ADCY10: variants seen among roughly 807,000 people sequenced by gnomAD.
ADCY10 encodes adenylate cyclase 10.
In ADCY10, 156 loss-of-function variants were observed where a neutral mutation model predicts 183.3. The observed-to-expected ratio is 0.85, with a 90% CI of 0.75 to 0.97. The LOEUF (loss-of-function observed/expected upper bound fraction) is 0.97. Ranked by LOEUF, ADCY10 falls within the 50% of genes least tolerant of loss-of-function variation. The pLI is 0.00. For synonymous variants in ADCY10, 645 were observed against 670.0 expected (o/e 0.96, Z 0.58); for missense variants, 1,745 against 1,934.3 (o/e 0.90, Z 1.84).
intron 23 of ADCY10, chr1:167,834,843 T>G (rs10918779): frequency 0.029 from 4,367 of 152,976 alleles, 194 homozygotes; most frequent in African/African-American, 0.093. Context: ...CATTGTCTTC[T>G]TGTCAAGTGA....
chr1:167,910,417 T>G (rs11578481), intron 1 of ADCY10, among the ~76,000 whole-genome samples: 20,467 of 152,124 alleles, frequency 0.13, 1,806 homozygotes, highest in African/African-American at 0.25. Flanking sequence ...TGGTTAAAAT[T>G]GTAGTTGTCT....
Position 167,822,818 on chromosome 1 carries a change from G to A in ADCY10, c.4168+190C>T, listed in dbSNP as rs578054400. Among the ~76,000 whole-genome samples the A allele has an allele frequency of 3.9e-5, 6 of 152,108 alleles. No individual in the cohort carries two copies. The East Asian group carries it at 5.8e-4, about 15-fold the overall frequency. ...TTCAGACTTAATTCTCCTTCTTGCC[G>A]TGCCTTTACAATCTCGGCACCTGCT... On this transcript the variant is annotated intron_variant, in intron 29 of 32. Coordinates refer to ENST00000367851, the MANE Select transcript of ADCY10 (RefSeq NM_018417.6).
chr1:167,870,214 G>T (rs765445608), intron 14 of ADCY10, 43 bp downstream of exon 14: 17 of 1,610,158 alleles, frequency 1.1e-5, no homozygotes, highest in Non-Finnish European at 1.3e-5. Flanking sequence ...AATAAATCAG[G>T]ATTCTATGGG....
rs57450280 is a variant in ADCY10 at position 167,866,530 on chromosome 1, C to CAAA, written c.1616+3724_1616+3726dup. On this transcript the variant is annotated intron_variant, in intron 14 of 32. Coordinates refer to ENST00000367851, the MANE Select transcript of ADCY10 (RefSeq NM_018417.6). ...TGACGAAAGTGCACACTCTATGTGCCAAAAAAAAAAAAAAAAAAAAAGGGC... is the reference window on the plus strand; with the variant it reads ...TGACGAAAGTGCACACTCTATGTGCCAAAAAAAAAAAAAAAAAAAAAAAAGGGC... Among the ~76,000 whole-genome samples, 336 of 110,634 alleles carry CAAA rather than the reference C, an allele frequency of 3.0e-3. 1 individual carries two copies. Among genetic ancestry groups the CAAA allele is most frequent in the Non-Finnish European group, 5.8e-3 (285 of 49,364 alleles). 72.6% of individuals were successfully genotyped at this position (110,634 alleles called of 152,430 possible). A position where few individuals can be genotyped will look rare whatever the true frequency, so the allele number is the denominator to read the frequency against.
At chr1:167,866,275 G>A (rs553789885) in intron 14 of ADCY10, among the ~76,000 whole-genome samples, 2 of 152,266 alleles carry the variant, frequency 1.3e-5, no homozygotes, top group Non-Finnish European at 2.9e-5. Context: ...CCCCCTTATA[G>A]GTCTTTCGAC....
rs907448954 is a variant in ADCY10, at chr1:167,816,174, G to A, written c.4482+1898C>T. Among the ~76,000 whole-genome samples, 8 of 152,162 alleles carry A rather than the reference G, an allele frequency of 5.3e-5. No homozygotes were observed. In the East Asian group the frequency reaches 9.6e-4, roughly 18 times the overall value. Reference sequence around the variant, plus strand: ...ACCAAACCACAGATCCAGGAAGCTCGCAGAACACCATGTAGGATATATGCC... The same window carrying A: ...ACCAAACCACAGATCCAGGAAGCTCACAGAACACCATGTAGGATATATGCC... On this transcript the variant is annotated intron_variant, in intron 31 of 32. Coordinates refer to ENST00000367851, the MANE Select transcript of ADCY10 (RefSeq NM_018417.6).
intron 14 of ADCY10, among the ~76,000 whole-genome samples, chr1:167,863,195 A>C (rs1016111720): frequency 1.3e-5 from 2 of 152,200 alleles, no homozygotes; most frequent in Admixed American, 6.5e-5. Flanking sequence ...ACCCGAAACC[A>C]GGCCTGGGCC....
chr1:167,820,076 TA>T (rs1199462028), intron 30 of ADCY10: 26 of 1,573,338 alleles, frequency 1.7e-5, no homozygotes, highest in Middle Eastern at 3.4e-4. Flanking sequence ...ATCCTTGAGA[TA>T]AAATTTGGCT....
At chr1:167,829,173 T>A in intron 26 of ADCY10, 94 bp downstream of exon 26, 1 of 1,441,348 alleles carries the variant, frequency 6.9e-7, no homozygotes, top group South Asian at 1.2e-5. Context: ...TATTATTATA[T>A]CCTCAGAATT....
intron 8 of ADCY10, among the ~76,000 whole-genome samples, chr1:167,889,594 G>T (rs1480666122): frequency 3.3e-5 from 5 of 152,128 alleles, no homozygotes; most frequent in Non-Finnish European, 5.9e-5. Flanking sequence ...CTTGTAGAAT[G>T]AGTTTGGAAG....
At chr1:167,835,734 C>T (rs565944351) in intron 23 of ADCY10, among the ~76,000 whole-genome samples, 3 of 152,018 alleles carry the variant, frequency 2.0e-5, no homozygotes, top group African/African-American at 7.2e-5. Context: ...ACCAAGAACA[C>T]AAAAAATTAG....
At chr1:167,869,788 ACCT>A (rs1558211732) in intron 14 of ADCY10, among the ~76,000 whole-genome samples, 5 of 151,520 alleles carry the variant, frequency 3.3e-5, no homozygotes, top group Non-Finnish European at 5.9e-5. Flanking sequence ...GAAGTTGAGC[ACCT>A]TGACGAGCTC....
At chr1:167,891,800 G>A (rs1292878832) in intron 8 of ADCY10, among the ~76,000 whole-genome samples, 3 of 152,112 alleles carry the variant, frequency 2.0e-5, no homozygotes, top group Non-Finnish European at 4.4e-5. Flanking sequence ...AGAAGTGTCA[G>A]ATTCTTCAAC....
intron 24 of ADCY10, among the ~76,000 whole-genome samples, chr1:167,833,519 G>A (rs1284596921): frequency 6.6e-6 from 1 of 152,176 alleles, no homozygotes; most frequent in Non-Finnish European, 1.5e-5. Flanking sequence ...GTCAGGGCGG[G>A]CGGATCACTT....
chr1:167,843,044 A>G (rs892459050), intron 21 of ADCY10, among the ~76,000 whole-genome samples: 31 of 152,344 alleles, frequency 2.0e-4, no homozygotes, highest in Non-Finnish European at 3.5e-4. Flanking sequence ...TGAACAGGTG[A>G]AAAATTCTGA....
At chr1:167,836,241 C>T (rs1339624700) in intron 23 of ADCY10, 68 bp downstream of exon 23, 1 of 1,056,346 alleles carries the variant, frequency 9.5e-7, no homozygotes, top group Non-Finnish European at 1.5e-6. Context: ...CATGCTGGAG[C>T]TTCCTTCTGG....
chr1:167,884,599 T>C (rs1373659777), intron 8 of ADCY10, among the ~76,000 whole-genome samples: 2 of 152,134 alleles, frequency 1.3e-5, no homozygotes, highest in Non-Finnish European at 2.9e-5. Flanking sequence ...TTTGTACTCA[T>C]TGACCACCCC....
chr1:167,912,727 T>C lies in ADCY10; in HGVS notation c.-59+1249A>G, dbSNP rs140997145. 2.3e-3 allele frequency among the ~76,000 whole-genome samples: 345 copies of C among 152,296 alleles called. 2 individuals carry two copies. The highest frequency in any genetic ancestry group is 8.1e-3 in the African/African-American group (335 of 41,574). On this transcript the variant is annotated intron_variant, in intron 1 of 32. Transcript: ENST00000367851. ...CTCCGATCCTTAAAATCACTCCACA[T>C]GTGTCTGTGTCGTTTTATCTAAACC...
chr1:167,833,810 G>A (rs1281757981), intron 24 of ADCY10, among the ~76,000 whole-genome samples, 160 bp downstream of exon 24: 1 of 151,992 alleles, frequency 6.6e-6, no homozygotes, highest in Non-Finnish European at 1.5e-5. Flanking sequence ...AAGCCATGGT[G>A]AGGAGGTTGG....
Sources: allele counts gnomAD v4.1 joint callset (sites outside exome capture counted in the v4.1 genomes callset), GRCh38; gene constraint gnomAD v4.1.1; transcripts MANE v1.5; gene names NCBI Gene and HGNC (gene_info 2026-07-23, HGNC 2026-07-21).